FAM13B: variants seen among roughly 807,000 people sequenced by gnomAD.
The protein encoded by FAM13B is protein FAM13B.
FAM13B carries 60 observed loss-of-function variants against 117.3 expected under a neutral mutation model. That is an observed-to-expected ratio of 0.51 (90% CI 0.42 to 0.63). The LOEUF (loss-of-function observed/expected upper bound fraction) is 0.63, where lower values mean the gene tolerates loss of function less well. FAM13B is among the 30% of genes least tolerant of loss of function. The pLI, the probability that FAM13B is intolerant of heterozygous loss-of-function variation, is 0.00. For missense variants in FAM13B, 972 were observed against 1,091.9 expected (o/e 0.89, Z 1.55); for synonymous variants, 332 against 356.1 (o/e 0.93, Z 0.76).
chr5:138,013,001 C>T (rs1410947606), intron 4 of FAM13B, among the ~76,000 whole-genome samples: 1 of 148,238 alleles, frequency 6.7e-6, no homozygotes, highest in Non-Finnish European at 1.5e-5. Context: ...CTCAGGAGTT[C>T]GAGTCCAGCC....
In FAM13B at chr5:137,978,503, G is replaced by GA. The variant is rs766022340; in HGVS notation, c.1179+6753dup. Among the ~76,000 whole-genome samples the GA allele has an allele frequency of 7.8e-3, 1,092 of 139,436 alleles. 6 individuals are homozygous for GA. The highest frequency in any genetic ancestry group is 0.012 in the Non-Finnish European group (738 of 63,500). The allele number at this position is 139,436 out of a possible 152,430, so 91.5% of individuals were successfully genotyped here. ...TTTTTTGTTCAACAGCAAAGGCAAA[G>GA]AAAAAAAAAAAGCCATTTCATTAGA... On this transcript the variant is annotated intron_variant, in intron 10 of 23. Coordinates refer to ENST00000689681, the MANE Select transcript of FAM13B (RefSeq NM_001385994.1).
intron 18 of FAM13B, among the ~76,000 whole-genome samples, chr5:137,947,864 C>T (rs1006189264): frequency 1.3e-5 from 2 of 151,974 alleles, no homozygotes; most frequent in East Asian, 1.9e-4. Context: ...GGATTACAGG[C>T]GTGAGGCACC....
At chr5:138,022,969 A>G (rs1444267344) in intron 1 of FAM13B, among the ~76,000 whole-genome samples, 1 of 151,944 alleles carries the variant, frequency 6.6e-6, no homozygotes, top group Non-Finnish European at 1.5e-5. Context: ...CTGGGCCTAC[A>G]TGTACACACC....
At chr5:137,974,663 CAAAA>C (rs34041801) in intron 10 of FAM13B, among the ~76,000 whole-genome samples, 1 of 120,674 alleles carries the variant, frequency 8.3e-6, no homozygotes, top group Non-Finnish European at 1.8e-5. Context: ...AGCATTTCTC[CAAAA>C]AAAAAAAAAA....
At chr5:137,981,871 G>A (rs76387958) in intron 10 of FAM13B, among the ~76,000 whole-genome samples, 2,121 of 152,256 alleles carry the variant, frequency 0.014, 39 homozygotes, top group African/African-American at 0.047. Flanking sequence ...GTAAGTGGGA[G>A]GGCCTGCCAT....
chr5:137,940,157 A>G lies in FAM13B; in HGVS notation c.*68T>C, dbSNP rs370407926. 99 of 1,613,376 alleles carry G rather than the reference A, an allele frequency of 6.1e-5. No individual in the cohort carries two copies. Among genetic ancestry groups the G allele is most frequent in the Non-Finnish European group, 8.1e-5 (96 of 1,179,416 alleles). On this transcript the variant is annotated 3_prime_UTR_variant, in exon 24 of 24. Coordinates refer to ENST00000689681, the MANE Select transcript of FAM13B (RefSeq NM_001385994.1). Reference sequence around the variant, plus strand: ...GACAAAACGAATTTAAGTACCAGCCAAGTACACACGATGATAGCTTCAAGG... The same window carrying G: ...GACAAAACGAATTTAAGTACCAGCCGAGTACACACGATGATAGCTTCAAGG...
intron 8 of FAM13B, among the ~76,000 whole-genome samples, chr5:137,987,977 G>A (rs1166843590): frequency 2.0e-5 from 3 of 152,132 alleles, no homozygotes; most frequent in Admixed American, 6.5e-5. Flanking sequence ...AAGAAACCAT[G>A]AGTACTGCTC....
chr5:138,010,863 C>G, intron 6 of FAM13B, 145 bp downstream of exon 6: 1 of 813,112 alleles, frequency 1.2e-6, no homozygotes, highest in Non-Finnish European at 1.7e-6. Flanking sequence ...AATGTGCCAC[C>G]TACTGATTAC....
At chr5:138,023,704 G>C (rs1187428010) in intron 1 of FAM13B, among the ~76,000 whole-genome samples, 1 of 152,086 alleles carries the variant, frequency 6.6e-6, no homozygotes, top group Non-Finnish European at 1.5e-5. Flanking sequence ...GAGTAGCTAG[G>C]ACTACAGGCG....
chr5:138,031,282 G>A (rs1161625499), intron 1 of FAM13B, among the ~76,000 whole-genome samples: 1 of 152,120 alleles, frequency 6.6e-6, no homozygotes, highest in Non-Finnish European at 1.5e-5. Flanking sequence ...ACTGCAATAT[G>A]CCCTTCTACA....
rs2150260153 is a variant in FAM13B, at chr5:137,957,484, G to A, written c.1442-942C>T. ...GAACCTGCGAGGCGGAAGTTGCGGT[G>A]AGCTGAGATCGCCCCACTGCACTCC... On this transcript the variant is annotated intron_variant, in intron 13 of 23. Coordinates refer to ENST00000689681, the MANE Select transcript of FAM13B (RefSeq NM_001385994.1). 2.7e-5 allele frequency among the ~76,000 whole-genome samples: 4 copies of A among 147,170 alleles called. No homozygotes were observed. In the Middle Eastern group the frequency reaches 0.011, roughly 415 times the overall value.
At position 138,018,456 on chromosome 5, in the gene FAM13B, C is replaced by A; in HGVS notation, c.216G>T (p.Trp72Cys). The A allele has an allele frequency of 2.5e-6, 4 of 1,614,152 alleles. No individual in the cohort carries two copies. Among genetic ancestry groups the A allele is most frequent in the Non-Finnish European group, 3.4e-6 (4 of 1,180,022 alleles). Reference protein sequence around the residue: ...QVNGNAETVEWLRQRYDSGEE... With the variant: ...QVNGNAETVECLRQRYDSGEE... ...CTCCGCTGTCGTATCTCTGCCGAAG[C>A]CACTCCACTGTCTCAGCATTTCCAT... The change falls in exon 4 of 24, where the codon TGG becomes TGT. Residue 72 changes from tryptophan (W) to cysteine (C), a missense_variant. Transcript: ENST00000689681.
rs369682283 is a variant in FAM13B, at chr5:137,968,596, G to C, written c.1180-6127C>G. Among the ~76,000 whole-genome samples, 18 of 152,252 alleles carry C rather than the reference G, an allele frequency of 1.2e-4. No individual in the cohort carries two copies. The East Asian group carries it at 2.1e-3, about 18-fold the overall frequency. On this transcript the variant is annotated intron_variant, in intron 10 of 23. Transcript: ENST00000689681. ...TTGAAACATTAAAAAGCAATTTGTG[G>C]GGGGAGGAGCCAAGATGGCCGAATA...
intron 12 of FAM13B, 96 bp from the exon 13 acceptor site, chr5:137,959,859 A>G (rs1767650341): frequency 8.2e-7 from 1 of 1,221,190 alleles, no homozygotes; most frequent in Non-Finnish European, 1.2e-6. Flanking sequence ...AGTCTTCATT[A>G]GTTTACTGTG....
chr5:137,960,122 C>A lies in FAM13B; in HGVS notation c.1293+44G>T. ...TAAAGACCAGACATAACAGTTTAAA[C>A]CTAGGCAAGTTTTTAAAGACTAAGA... On this transcript the variant is annotated intron_variant, in intron 12 of 23. Transcript: ENST00000689681. The A allele has an allele frequency of 2.5e-6, 3 of 1,201,998 alleles. No homozygotes were observed. In the South Asian group the frequency reaches 4.0e-5, roughly 16 times the overall value. The allele number at this position is 1,201,998 out of a possible 1,614,324, so 74.5% of individuals were successfully genotyped here. A position where few individuals can be genotyped will look rare whatever the true frequency, so the allele number is the denominator to read the frequency against.
chr5:137,994,574 T>C (rs1779407329), intron 7 of FAM13B, among the ~76,000 whole-genome samples: 1 of 152,030 alleles, frequency 6.6e-6, no homozygotes, highest in African/African-American at 2.4e-5. Context: ...ACAAGAAAAA[T>C]AACTGCTGAG....
At chr5:138,012,547 T>A (rs1314777804) in intron 4 of FAM13B, among the ~76,000 whole-genome samples, 1 of 152,228 alleles carries the variant, frequency 6.6e-6, no homozygotes, top group Middle Eastern at 3.2e-3. Context: ...CTCCTCTAAA[T>A]TCATGTTGGT....
Position 137,953,441 on chromosome 5 carries a change from T to G in FAM13B, c.1743A>C (p.Ser581=), listed in dbSNP as rs751933431. ...TTCTGTCCTCTCTCTTTTCATCTTTTGAACTAAAGGATGATCTTCGAATTC... is the reference window on the plus strand; with the variant it reads ...TTCTGTCCTCTCTCTTTTCATCTTTGGAACTAAAGGATGATCTTCGAATTC... The part of the protein sequence containing the change: ...FTRIRRSSFS[S]KDEKREDRTP... The change falls in exon 16 of 24, where the codon TCA becomes TCC. Residue 581 remains serine, a synonymous_variant. Coordinates refer to ENST00000689681, the MANE Select transcript of FAM13B (RefSeq NM_001385994.1). 1.9e-6 allele frequency: 3 copies of G among 1,613,876 alleles called. No individual in the cohort carries two copies. Among genetic ancestry groups the G allele is most frequent in the Non-Finnish European group, 2.5e-6 (3 of 1,179,930 alleles).
Position 137,952,627 on chromosome 5 carries a change from C to A in FAM13B, c.1930+1G>T. 6.3e-7 allele frequency: 1 copy of A among 1,578,768 alleles called. No individual in the cohort carries two copies. ...ATATTACAAAATGGCACATAATATA[C>A]CTTTAATTTGCTTCCGCAGTTTTGT... On this transcript the variant is annotated splice_donor_variant, in intron 17 of 23. Transcript: ENST00000689681. LOFTEE classifies it high-confidence loss of function.
Sources: gnomAD v4.1 joint callset for allele counts (sites outside exome capture counted in the v4.1 genomes callset) on GRCh38, gnomAD v4.1.1 for gene constraint, MANE v1.5 for transcripts, NCBI Gene and HGNC (gene_info 2026-07-23, HGNC 2026-07-21) for gene names.